CCDC3: variants seen among roughly 807,000 people sequenced by gnomAD.
The protein encoded by CCDC3 is coiled-coil domain-containing protein 3.
Under a neutral mutation model 21.4 loss-of-function variants are expected in CCDC3, and 24 were observed. That is an observed-to-expected ratio of 1.12 (90% confidence interval 0.81 to 1.58). The LOEUF is 1.58. Ranked by LOEUF, CCDC3 falls within the 40% of genes most tolerant of loss-of-function variation. The pLI is 0.00. For synonymous variants in CCDC3, 186 were observed against 166.0 expected (o/e 1.12, Z -0.93); for missense variants, 425 against 360.9 (o/e 1.18, Z -1.44).
At chr10:13,009,111 G>C (rs909805036) in intron 5 of CCDC3, among the ~76,000 whole-genome samples, 2 of 152,084 alleles carry the variant, frequency 1.3e-5, no homozygotes, top group African/African-American at 4.8e-5. Flanking sequence ...AAAATCAATT[G>C]TATTCTCTTT....
chr10:12,988,176 C>T (rs1835626580), intron 2 of CCDC3, among the ~76,000 whole-genome samples: 1 of 152,192 alleles, frequency 6.6e-6, no homozygotes, highest in African/African-American at 2.4e-5. Flanking sequence ...ATGCTCATTC[C>T]TATTTTTCCA....
intron 2 of CCDC3, among the ~76,000 whole-genome samples, chr10:12,915,895 C>A (rs1413242921): frequency 6.6e-6 from 1 of 151,754 alleles, no homozygotes; most frequent in African/African-American, 2.4e-5. Flanking sequence ...GGTCTTGAGA[C>A]CATGGGTGCT....
intron 2 of CCDC3, among the ~76,000 whole-genome samples, chr10:12,928,208 G>A (rs1834576831): frequency 6.6e-6 from 1 of 152,166 alleles, no homozygotes; most frequent in Non-Finnish European, 1.5e-5. Flanking sequence ...CAGTACTACA[G>A]GGAACCATTT....
chr10:13,074,787 G>A (rs1319304380), intron 3 of CCDC3, among the ~76,000 whole-genome samples: 2 of 152,136 alleles, frequency 1.3e-5, no homozygotes, highest in Non-Finnish European at 2.9e-5. Flanking sequence ...CGTTAGACCT[G>A]TGTTCCTGTT....
chr10:12,969,982 G>T (rs1311312625), intron 2 of CCDC3, among the ~76,000 whole-genome samples: 3 of 152,134 alleles, frequency 2.0e-5, no homozygotes, highest in African/African-American at 7.2e-5. Context: ...ATTTAATGAA[G>T]CCATTTTAAT....
At chr10:13,085,488 A>C (rs1837090940) in intron 3 of CCDC3, among the ~76,000 whole-genome samples, 1 of 152,238 alleles carries the variant, frequency 6.6e-6, no homozygotes. Context: ...CAAAGCATTC[A>C]GGAAGCACTG....
Position 13,085,565 on chromosome 10 carries a change from G to A in CCDC3, c.-502-11465C>T, listed in dbSNP as rs17152819. Among the ~76,000 whole-genome samples, 1,046 of 152,316 alleles carry A rather than the reference G, an allele frequency of 6.9e-3. 9 individuals carry two copies. Among genetic ancestry groups the A allele is most frequent in the African/African-American group, 0.022 (934 of 41,570 alleles). On this transcript the variant is annotated intron_variant, in intron 3 of 6. Transcript: ENST00000378839. ...AATGCATATCAGCATATTGAAGACCGTGGAAAGCAGTCTCCAACATTTTGT... is the reference window on the plus strand; with the variant it reads ...AATGCATATCAGCATATTGAAGACCATGGAAAGCAGTCTCCAACATTTTGT...
chr10:12,946,370 A>T (rs1161393068), intron 2 of CCDC3, among the ~76,000 whole-genome samples: 1 of 152,232 alleles, frequency 6.6e-6, no homozygotes, highest in Admixed American at 6.5e-5. Context: ...GAGTTTCTAC[A>T]TAACAAACTG....
intron 2 of CCDC3, among the ~76,000 whole-genome samples, chr10:12,929,219 G>GCC (rs1408933215): frequency 6.8e-6 from 1 of 147,020 alleles, no homozygotes; most frequent in Non-Finnish European, 1.5e-5. Context: ...CCGAGATCGT[G>GCC]CCACTGCACT....
chr10:13,040,563 G>A (rs1334663336), intron 5 of CCDC3, among the ~76,000 whole-genome samples: 1 of 152,102 alleles, frequency 6.6e-6, no homozygotes, highest in Non-Finnish European at 1.5e-5. Flanking sequence ...GGTGGTGCAC[G>A]CCTGTAATCC....
At chr10:12,910,568 T>C (rs2131203303) in intron 2 of CCDC3, among the ~76,000 whole-genome samples, 2 of 149,084 alleles carry the variant, frequency 1.3e-5, no homozygotes, top group Middle Eastern at 7.0e-3. Context: ...CCTTGCAAAC[T>C]TGCAAGTTTC....
At chr10:13,037,359 A>G (rs887357796) in intron 5 of CCDC3, among the ~76,000 whole-genome samples, 1 of 152,208 alleles carries the variant, frequency 6.6e-6, no homozygotes, top group African/African-American at 2.4e-5. Context: ...TTACGTAACC[A>G]TAATGCCATT....
At chr10:12,975,985 C>G (rs1202185939) in intron 2 of CCDC3, among the ~76,000 whole-genome samples, 1 of 152,214 alleles carries the variant, frequency 6.6e-6, no homozygotes, top group African/African-American at 2.4e-5. Context: ...ATGCAAATCC[C>G]TGCAGAGGTG....
At chr10:13,019,879 C>T (rs1483217039) in intron 5 of CCDC3, among the ~76,000 whole-genome samples, 1 of 152,094 alleles carries the variant, frequency 6.6e-6, no homozygotes, top group Non-Finnish European at 1.5e-5. Flanking sequence ...GCCTGTAATC[C>T]CAGCTACTCA....
chr10:12,974,847 G>A (rs1223560033), intron 2 of CCDC3, among the ~76,000 whole-genome samples: 1 of 152,300 alleles, frequency 6.6e-6, no homozygotes, highest in Non-Finnish European at 1.5e-5. Flanking sequence ...AGTCTCCCCA[G>A]TGATATATTC....
intron 5 of CCDC3, among the ~76,000 whole-genome samples, chr10:13,009,146 T>G (rs1835957346): frequency 6.6e-6 from 1 of 152,196 alleles, no homozygotes; most frequent in Non-Finnish European, 1.5e-5. Context: ...GAAATTGACA[T>G]TTTTAAAAAT....
At chr10:12,957,645 G>A (rs187552745) in intron 2 of CCDC3, among the ~76,000 whole-genome samples, 21 of 152,004 alleles carry the variant, frequency 1.4e-4, no homozygotes, top group East Asian at 5.8e-4. Context: ...GAGTTCTCTC[G>A]AGATCTGATT....
intron 2 of CCDC3, among the ~76,000 whole-genome samples, chr10:12,983,668 CAA>C (rs34200519): frequency 0.026 from 3,488 of 134,854 alleles, 73 homozygotes; most frequent in Middle Eastern, 0.066. Context: ...AAAGAAGTGG[CAA>C]AAAAAAAAAA....
intron 2 of CCDC3, among the ~76,000 whole-genome samples, chr10:12,900,645 C>T (rs1306065124): frequency 2.1e-4 from 31 of 145,118 alleles, no homozygotes; most frequent in African/African-American, 7.7e-4. Context: ...GAGCCGAGAT[C>T]GCGCCACTGC....
Sources: allele counts gnomAD v4.1 joint callset (sites outside exome capture counted in the v4.1 genomes callset), GRCh38; gene constraint gnomAD v4.1.1; transcripts MANE v1.5; gene names NCBI Gene and HGNC (gene_info 2026-07-23, HGNC 2026-07-21).